SERPINI2: variants seen among roughly 807,000 people sequenced by gnomAD.
SERPINI2 encodes the protein serpin family I member 2, also known as serpin I2.
SERPINI2 carries 48 observed loss-of-function variants against 47.3 expected under a neutral mutation model. The ratio of observed to expected loss-of-function variants is 1.02; its 90% CI spans 0.81 to 1.29. The LOEUF is 1.29. Ranked by LOEUF, SERPINI2 falls within the 50% of genes most tolerant of loss-of-function variation. The pLI is 0.00. For synonymous variants in SERPINI2, 135 were observed against 149.3 expected (o/e 0.90, Z 0.70); for missense variants, 448 against 456.9 (o/e 0.98, Z 0.18).
At chr3:167,469,814 T>C (rs1750254793) in intron 2 of SERPINI2, among the ~76,000 whole-genome samples, 1 of 152,176 alleles carries the variant, frequency 6.6e-6, no homozygotes, top group East Asian at 1.9e-4. Flanking sequence ...GCTCTTATAT[T>C]CTTAATCCTC....
chr3:167,472,991 A>C (rs1195500374), intron 1 of SERPINI2, among the ~76,000 whole-genome samples: 1 of 151,760 alleles, frequency 6.6e-6, no homozygotes, highest in African/African-American at 2.4e-5. Context: ...TGTCAGCCTT[A>C]AGTAGAGACT....
chr3:167,465,577 TTC>T lies in SERPINI2; in HGVS notation c.573_574del (p.Lys192IlefsTer13), dbSNP rs753957324. The stretch of plus-strand genomic sequence containing the variant: ...CAGCTGTGTGTCCTCTTTTCTGAAT[TTC>T]TGTTTCCAATCTCCTTTGAAATAAA... On this transcript the variant is annotated frameshift_variant, in exon 4 of 9. Transcript: ENST00000264677. LOFTEE classifies it high-confidence loss of function. 97 of 1,613,782 alleles carry T rather than the reference TTC, an allele frequency of 6.0e-5. No individual in the cohort carries two copies. Among genetic ancestry groups the T allele is most frequent in the Non-Finnish European group, 8.1e-5 (96 of 1,179,954 alleles).
rs1412035443 is a variant in SERPINI2 at position 167,471,734 on chromosome 3, T to TA, written c.100dup (p.Tyr34LeufsTer9). ...CTTATGAGATAAGGAAACCTCTTGA[T>TA]AAAGATCCACTGCAAATTCGGTATT... On this transcript the variant is annotated frameshift_variant, in exon 2 of 9. Transcript: ENST00000264677. LOFTEE classifies it high-confidence loss of function. The TA allele has an allele frequency of 1.2e-6, 2 of 1,613,586 alleles. No homozygotes were observed. The highest frequency in any genetic ancestry group is 1.7e-6 in the Non-Finnish European group (2 of 1,179,772).
At chr3:167,442,934 C>G (rs903818167) in intron 8 of SERPINI2, among the ~76,000 whole-genome samples, 1 of 152,070 alleles carries the variant, frequency 6.6e-6, no homozygotes, top group South Asian at 2.1e-4. Flanking sequence ...TCAAAGGCGA[C>G]AAATTTTGCA....
In SERPINI2 at chr3:167,449,338, A is replaced by G. The variant is rs61750372; in HGVS notation, c.1029T>C (p.Gly343=). The G allele has an allele frequency of 0.011, 18,134 of 1,612,822 alleles. 1,527 individuals are homozygous for G. In the African/African-American group the frequency reaches 0.2, roughly 18 times the overall value. The change falls in exon 7 of 9, where the codon GGT becomes GGC. Residue 343 remains glycine, a synonymous_variant. Transcript: ENST00000264677. ...TACCAGTTGATGTTGCAGCTTCACT[A>G]CCATCTTCATTTATCTCAAAGAAAA...
chr3:167,450,439 C>A (rs2108154454), intron 6 of SERPINI2, among the ~76,000 whole-genome samples: 1 of 152,260 alleles, frequency 6.6e-6, no homozygotes, highest in African/African-American at 2.4e-5. Flanking sequence ...CCATGTCAAG[C>A]TGGCCTTGCA....
intron 2 of SERPINI2, among the ~76,000 whole-genome samples, chr3:167,468,165 CT>C (rs1750198595): frequency 6.6e-6 from 1 of 152,070 alleles, no homozygotes; most frequent in Non-Finnish European, 1.5e-5. Flanking sequence ...TAGGTTCTTT[CT>C]GGGCCTTCAT....
chr3:167,454,669 G>C (rs1749736592), intron 5 of SERPINI2, among the ~76,000 whole-genome samples: 1 of 152,070 alleles, frequency 6.6e-6, no homozygotes, highest in African/African-American at 2.4e-5. Flanking sequence ...TATCACTGGA[G>C]AGTCATTTAA....
chr3:167,452,802 C>T, intron 6 of SERPINI2, 134 bp downstream of exon 6: 1 of 503,266 alleles, frequency 2.0e-6, no homozygotes, highest in Non-Finnish European at 3.5e-6. Flanking sequence ...GACAGCTCAA[C>T]ATGACTATGA....
chr3:167,444,853 G>A (rs969111129), intron 8 of SERPINI2, among the ~76,000 whole-genome samples: 3 of 152,106 alleles, frequency 2.0e-5, no homozygotes, highest in African/African-American at 7.2e-5. Flanking sequence ...ACTGATAGCT[G>A]TTACTTGGCC....
At chr3:167,471,221 A>G (rs1422370147) in intron 2 of SERPINI2, among the ~76,000 whole-genome samples, 2 of 152,118 alleles carry the variant, frequency 1.3e-5, no homozygotes, top group Non-Finnish European at 2.9e-5. Flanking sequence ...CAACATAGTG[A>G]TAGTGGAAGA....
chr3:167,444,972 C>T (rs1055357707), intron 8 of SERPINI2, among the ~76,000 whole-genome samples: 1 of 152,014 alleles, frequency 6.6e-6, no homozygotes, highest in Non-Finnish European at 1.5e-5. Context: ...TTCTTTCTGT[C>T]TCCATACTAC....
At chr3:167,465,957 A>C (rs1264871330) in intron 3 of SERPINI2, among the ~76,000 whole-genome samples, 1 of 152,200 alleles carries the variant, frequency 6.6e-6, no homozygotes, top group Non-Finnish European at 1.5e-5. Flanking sequence ...TAACCATTGT[A>C]TGTCAGACAT....
chr3:167,453,059 A>G, intron 5 of SERPINI2, 26 bp from the exon 6 acceptor site: 1 of 1,343,206 alleles, frequency 7.4e-7, no homozygotes, highest in Non-Finnish European at 1.0e-6. Context: ...AAAGAAAAAG[A>G]AAAGTCTTGA....
chr3:167,472,979 G>C (rs1750379154), intron 1 of SERPINI2, among the ~76,000 whole-genome samples: 1 of 151,656 alleles, frequency 6.6e-6, no homozygotes, highest in Non-Finnish European at 1.5e-5. Flanking sequence ...AGAATAGTCT[G>C]TTGTCAGCCT....
At chr3:167,465,304 A>G (rs1342947390) in exon 5 of SERPINI2, 1 of 1,613,230 alleles carries the variant, frequency 6.2e-7, no homozygotes, top group South Asian at 1.1e-5. Context: ...CTATATCCAT[A>G]CCTTCTGCAG....
chr3:167,467,435 T>G, intron 2 of SERPINI2, 150 bp from the exon 3 acceptor site: 1 of 579,424 alleles, frequency 1.7e-6, no homozygotes, highest in Non-Finnish European at 3.0e-6. Flanking sequence ...TATAAATATT[T>G]TAAGGATGTA....
chr3:167,461,808 C>A (rs1749992073), intron 5 of SERPINI2, among the ~76,000 whole-genome samples: 1 of 151,898 alleles, frequency 6.6e-6, no homozygotes, highest in South Asian at 2.1e-4. Context: ...TTTCTAAAGA[C>A]AGGGTCTTTC....
intron 8 of SERPINI2, among the ~76,000 whole-genome samples, chr3:167,444,794 T>C (rs1749425975): frequency 6.6e-6 from 1 of 152,174 alleles, no homozygotes; most frequent in South Asian, 2.1e-4. Flanking sequence ...TTATCACAAA[T>C]AAACAGATAA....
Sources: gnomAD v4.1 joint callset for allele counts (sites outside exome capture counted in the v4.1 genomes callset) on GRCh38, gnomAD v4.1.1 for gene constraint, MANE v1.5 for transcripts, NCBI Gene and HGNC (gene_info 2026-07-23, HGNC 2026-07-21) for gene names.